Variants in ZFP1 observed in about 807,000 individuals in gnomAD.
ZFP1 encodes the protein zinc finger protein 1 homolog.
ZFP1 carries 32 observed loss-of-function variants against 38.5 expected under a neutral mutation model. The observed-to-expected ratio is 0.83, with a 90% CI of 0.63 to 1.12. ZFP1 has a LOEUF of 1.12. ZFP1 is among the 50% of genes most tolerant of loss of function. The probability of loss-of-function intolerance (pLI) is 0.00; values close to 1 mark genes in which losing one functional copy is unlikely to be tolerated. For missense variants in ZFP1, 616 were observed against 480.8 expected (o/e 1.28, Z -2.63); for synonymous variants, 245 against 168.8 (o/e 1.45, Z -3.50).
the ZFP1 span, among the ~76,000 whole-genome samples, chr16:75,122,879 G>T: frequency 6.6e-6 from 1 of 152,180 alleles, no homozygotes; most frequent in African/African-American, 2.4e-5. Flanking sequence ...CACTGTCTCA[G>T]TGATAATTTT....
At chr16:75,135,066 A>C in the ZFP1 span, among the ~76,000 whole-genome samples, 17 of 150,236 alleles carry the variant, frequency 1.1e-4, no homozygotes, top group African/African-American at 3.9e-4. Flanking sequence ...AAAAAAAAAC[A>C]AAAAAAACTA....
upstream of ZFP1, among the ~76,000 whole-genome samples, chr16:75,145,886 C>G (rs1033315560): frequency 2.6e-5 from 4 of 152,160 alleles, no homozygotes; most frequent in Non-Finnish European, 4.4e-5. Flanking sequence ...GGCTGTCACC[C>G]TCACTCTCCA....
At chr16:75,155,485 C>T (rs919744477) in intron 2 of ZFP1, among the ~76,000 whole-genome samples, 1 of 152,148 alleles carries the variant, frequency 6.6e-6, no homozygotes, top group Non-Finnish European at 1.5e-5. Context: ...GAAGTATTTC[C>T]ATATCAGAGC....
intron 2 of ZFP1, among the ~76,000 whole-genome samples, chr16:75,161,091 G>A (rs1218645911): frequency 1.3e-5 from 2 of 151,962 alleles, no homozygotes; most frequent in Admixed American, 6.6e-5. Flanking sequence ...TTTCAAGATG[G>A]AGTCTTGCTC....
At chr16:75,136,250 G>A in the ZFP1 span, among the ~76,000 whole-genome samples, 1 of 152,180 alleles carries the variant, frequency 6.6e-6, no homozygotes, top group Non-Finnish European at 1.5e-5. Flanking sequence ...GGAAAAAGGC[G>A]CTGACATAAG....
intron 2 of ZFP1, chr16:75,157,295 G>T (rs919556938): frequency 6.7e-6 from 1 of 149,400 alleles, no homozygotes; most frequent in Admixed American, 6.7e-5. Context: ...CCCAGGCTGG[G>T]GTGCAGTGGT....
intron 2 of ZFP1, among the ~76,000 whole-genome samples, chr16:75,159,188 G>C (rs1303305262): frequency 1.3e-5 from 2 of 149,394 alleles, no homozygotes; most frequent in Non-Finnish European, 3.0e-5. Context: ...TGCGCCACAT[G>C]CCTGGCCTCG....
At chr16:75,125,662 T>C in the ZFP1 span, among the ~76,000 whole-genome samples, 1 of 152,148 alleles carries the variant, frequency 6.6e-6, no homozygotes, top group Non-Finnish European at 1.5e-5. Context: ...ATTTTATAAA[T>C]TGTTTATAAA....
chr16:75,148,367 A>C (rs2036984798), upstream of ZFP1: 2 of 152,182 alleles, frequency 1.3e-5, no homozygotes, highest in Non-Finnish European at 2.9e-5. Context: ...ACCGCCTAAC[A>C]AGGCGAAGAC....
At chr16:75,162,461 C>G (rs567609054) in intron 2 of ZFP1, among the ~76,000 whole-genome samples, 79 of 152,224 alleles carry the variant, frequency 5.2e-4, no homozygotes, top group African/African-American at 1.8e-3. Flanking sequence ...ATTTTGCTGT[C>G]TAGTCAGTGC....
Position 75,170,376 on chromosome 16 carries a change from T to G in ZFP1, c.*42T>G. On this transcript the variant is annotated 3_prime_UTR_variant, in exon 4 of 4. Coordinates refer to ENST00000570010, the MANE Select transcript of ZFP1 (RefSeq NM_153688.4). The stretch of plus-strand genomic sequence containing the variant: ...TACTGTGGAAAACTCCTGCCAGAAC[T>G]CTTCAAGCGGGTGAAAAACCTCATG... The G allele has an allele frequency of 6.6e-7, 1 of 1,511,662 alleles. No homozygotes were observed. Among genetic ancestry groups the G allele is most frequent in the East Asian group, 2.3e-5 (1 of 44,036 alleles). 93.6% of individuals were successfully genotyped at this position (1,511,662 alleles called of 1,614,324 possible). A position where few individuals can be genotyped will look rare whatever the true frequency, so the allele number is the denominator to read the frequency against.
intron 3 of ZFP1, among the ~76,000 whole-genome samples, chr16:75,167,414 T>G (rs2038154497): frequency 1.3e-5 from 2 of 152,134 alleles, no homozygotes; most frequent in Non-Finnish European, 2.9e-5. Flanking sequence ...TTTTCCTGTT[T>G]AATCTTATAG....
the ZFP1 span, among the ~76,000 whole-genome samples, chr16:75,123,351 A>G: frequency 1.4e-5 from 2 of 146,690 alleles, no homozygotes; most frequent in African/African-American, 5.3e-5. Flanking sequence ...GACTCTGTCT[A>G]AAATATATAT....
intron 2 of ZFP1, among the ~76,000 whole-genome samples, chr16:75,165,969 C>G (rs1414870872): frequency 1.3e-5 from 2 of 152,104 alleles, no homozygotes; most frequent in African/African-American, 4.8e-5. Context: ...ATTTCTTCAG[C>G]CATTCTGGCC....
chr16:75,164,355 ATTT>A (rs2037945618), intron 2 of ZFP1, among the ~76,000 whole-genome samples: 1 of 152,086 alleles, frequency 6.6e-6, no homozygotes, highest in Non-Finnish European at 1.5e-5. Flanking sequence ...GTACTTTCCT[ATTT>A]TAAACAAAAG....
At chr16:75,156,618 T>C (rs1034630736) in intron 2 of ZFP1, among the ~76,000 whole-genome samples, 1 of 152,166 alleles carries the variant, frequency 6.6e-6, no homozygotes, top group Non-Finnish European at 1.5e-5. Flanking sequence ...ATGAGAAGCA[T>C]GGGGCTCAAC....
At chr16:75,159,523 C>T (rs915472010) in intron 2 of ZFP1, among the ~76,000 whole-genome samples, 1 of 151,452 alleles carries the variant, frequency 6.6e-6, no homozygotes, top group African/African-American at 2.4e-5. Flanking sequence ...CCCTCCCACC[C>T]CAGCCTCTTG....
chr16:75,161,349 G>A (rs972681676), intron 2 of ZFP1, among the ~76,000 whole-genome samples: 10 of 151,858 alleles, frequency 6.6e-5, no homozygotes, highest in South Asian at 6.2e-4. Flanking sequence ...GATTACAGGC[G>A]TGAGCCACTG....
chr16:75,151,114 C>T (rs956916564), intron 1 of ZFP1, among the ~76,000 whole-genome samples: 1 of 152,072 alleles, frequency 6.6e-6, no homozygotes, highest in Non-Finnish European at 1.5e-5. Context: ...CCACCTTTGC[C>T]TCCCAAAGTG....
Sources: gnomAD v4.1 joint callset for allele counts (sites outside exome capture counted in the v4.1 genomes callset) on GRCh38, gnomAD v4.1.1 for gene constraint, MANE v1.5 for transcripts, NCBI Gene and HGNC (gene_info 2026-07-23, HGNC 2026-07-21) for gene names.